LAMA3: variants seen among roughly 807,000 people sequenced by gnomAD.
LAMA3 encodes laminin subunit alpha 3, also known as laminin subunit alpha-3.
Under a neutral mutation model 402.0 loss-of-function variants are expected in LAMA3, and 281 were observed. The observed-to-expected ratio is 0.70, with a 90% CI of 0.63 to 0.77. The LOEUF (loss-of-function observed/expected upper bound fraction) is 0.77. Ranked by LOEUF, LAMA3 falls within the 30% of genes least tolerant of loss-of-function variation. The pLI, the probability that LAMA3 is intolerant of heterozygous loss-of-function variation, is 0.00. For missense variants in LAMA3, 3,840 were observed against 4,215.5 expected (o/e 0.91, Z 2.47); for synonymous variants, 1,431 against 1,558.4 (o/e 0.92, Z 1.93).
At chr18:23,856,946 A>G (rs2064094808) in intron 32 of LAMA3, among the ~76,000 whole-genome samples, 1 of 151,860 alleles carries the variant, frequency 6.6e-6, no homozygotes, top group Non-Finnish European at 1.5e-5. Flanking sequence ...GCTGGAATTC[A>G]CCCTCTGGGC....
intron 40 of LAMA3, 84 bp downstream of exon 40, chr18:23,882,129 G>T: frequency 1.2e-6 from 1 of 835,738 alleles, no homozygotes. Context: ...AGCAGGTGGG[G>T]AGAATGGGAA....
chr18:23,882,609 TAAAAA>T (rs10555585), intron 40 of LAMA3, among the ~76,000 whole-genome samples: 1 of 138,808 alleles, frequency 7.2e-6, no homozygotes. Flanking sequence ...GACTCCATCT[TAAAAA>T]AAAAAAAAAA....
chr18:23,901,051 C>T, intron 47 of LAMA3, 76 bp from the exon 48 acceptor site: 1 of 1,303,094 alleles, frequency 7.7e-7, no homozygotes, highest in South Asian at 1.2e-5. Context: ...AAACTCGATT[C>T]TCCCTTTGTA....
intron 35 of LAMA3, among the ~76,000 whole-genome samples, chr18:23,864,135 G>T (rs530955564): frequency 6.6e-6 from 1 of 151,694 alleles, no homozygotes; most frequent in South Asian, 2.1e-4. Flanking sequence ...AATAGTTGTG[G>T]ATTAAATAAA....
chr18:23,857,659 G>T (rs1286229303), intron 32 of LAMA3, among the ~76,000 whole-genome samples, 185 bp from the exon 33 acceptor site: 1 of 152,224 alleles, frequency 6.6e-6, no homozygotes, highest in African/African-American at 2.4e-5. Context: ...AATGGCCATT[G>T]GTCAATGACC....
chr18:23,906,160 A>G (rs2081242747), intron 52 of LAMA3, among the ~76,000 whole-genome samples: 1 of 152,232 alleles, frequency 6.6e-6, no homozygotes, highest in Non-Finnish European at 1.5e-5. Context: ...AAAATTAACT[A>G]GAGCCTTATA....
Position 23,895,499 on chromosome 18 carries a change from CTATG to C in LAMA3, c.5613+443_5613+446del, listed in dbSNP as rs563158852. On this transcript the variant is annotated intron_variant, in intron 44 of 74. Coordinates refer to ENST00000313654, the MANE Select transcript of LAMA3 (RefSeq NM_198129.4). ...TAGGTATGAGACTACAGTATTTGGG[CTATG>C]TGTTTCTTCTTGAGTGATACTTGGT... 8.5e-4 allele frequency among the ~76,000 whole-genome samples: 129 copies of C among 152,292 alleles called. 1 individual carries two copies. Among genetic ancestry groups the C allele is most frequent in the Admixed American group, 2.7e-3 (42 of 15,296 alleles).
chr18:23,926,803 T>G (rs1180727724), intron 62 of LAMA3, among the ~76,000 whole-genome samples: 1 of 152,220 alleles, frequency 6.6e-6, no homozygotes, highest in African/African-American at 2.4e-5. Context: ...CCTGGGGCCA[T>G]GTAGAAAGAG....
intron 23 of LAMA3, among the ~76,000 whole-genome samples, chr18:23,830,314 C>A (rs1216327158): frequency 1.3e-5 from 2 of 152,088 alleles, no homozygotes; most frequent in Non-Finnish European, 2.9e-5. Flanking sequence ...ATCCTCCTCT[C>A]TCTCCCTCAG....
chr18:23,883,503 C>A (rs2064970416), intron 40 of LAMA3, among the ~76,000 whole-genome samples: 1 of 152,196 alleles, frequency 6.6e-6, no homozygotes, highest in Non-Finnish European at 1.5e-5. Context: ...GTGTGGATCA[C>A]AAAGGCAGGC....
chr18:23,720,150 G>C (rs2061183975), intron 2 of LAMA3, among the ~76,000 whole-genome samples: 1 of 152,188 alleles, frequency 6.6e-6, no homozygotes, highest in Non-Finnish European at 1.5e-5. Context: ...GGGTATAGTA[G>C]TAATGGAAAC....
At chr18:23,847,865 T>C (rs1470360165) in intron 32 of LAMA3, among the ~76,000 whole-genome samples, 197 bp downstream of exon 32, 1 of 152,252 alleles carries the variant, frequency 6.6e-6, no homozygotes, top group Non-Finnish European at 1.5e-5. Flanking sequence ...GGGCAGAGCC[T>C]GTGTGGACAG....
intron 24 of LAMA3, 144 bp downstream of exon 24, chr18:23,834,132 C>T: frequency 3.4e-6 from 3 of 888,916 alleles, no homozygotes; most frequent in Non-Finnish European, 5.5e-6. Flanking sequence ...TTGTGTGGCC[C>T]AACGTCATCA....
At position 23,839,699 on chromosome 18, in the gene LAMA3, G is replaced by T; in HGVS notation, c.3192-86G>T. The T allele has an allele frequency of 7.0e-7, 1 of 1,438,254 alleles. No homozygotes were observed. Among genetic ancestry groups the T allele is most frequent in the South Asian group, 1.2e-5 (1 of 86,900 alleles). The allele number at this position is 1,438,254 out of a possible 1,614,324, so 89.1% of individuals were successfully genotyped here. The stretch of plus-strand genomic sequence containing the variant: ...CCTTTTGATGCCCATGCAGTCCTAT[G>T]CTCCAAGTCTGTCTCTTCACTGATG... On this transcript the variant is annotated intron_variant, in intron 26 of 74. Coordinates refer to ENST00000313654, the MANE Select transcript of LAMA3 (RefSeq NM_198129.4). The surrounding 1 kb of genome is among the most constrained non-coding windows in gnomAD (Gnocchi z 4.5).
At chr18:23,703,112 G>T (rs1013298028) in intron 1 of LAMA3, among the ~76,000 whole-genome samples, 1 of 152,180 alleles carries the variant, frequency 6.6e-6, no homozygotes, top group Non-Finnish European at 1.5e-5. Context: ...TGCCTCTGAG[G>T]TTCCCAGACT....
At chr18:23,928,833 A>T (rs1026517160) in intron 64 of LAMA3, 68 bp downstream of exon 64, 2 of 1,413,042 alleles carry the variant, frequency 1.4e-6, no homozygotes. Context: ...TAAAAACAAC[A>T]GAGAGATTTA....
At chr18:23,934,234 G>A (rs1464549140) in intron 67 of LAMA3, among the ~76,000 whole-genome samples, 2 of 152,138 alleles carry the variant, frequency 1.3e-5, no homozygotes, top group African/African-American at 4.8e-5. Flanking sequence ...TCCCCAGCAG[G>A]TCCTATGTTT....
chr18:23,737,989 G>A (rs1287418360), intron 2 of LAMA3, among the ~76,000 whole-genome samples: 1 of 152,190 alleles, frequency 6.6e-6, no homozygotes, highest in Non-Finnish European at 1.5e-5. Context: ...GAGCTGGGGT[G>A]GAAGTGCCGT....
chr18:23,940,314 C>T (rs1403463222), intron 68 of LAMA3, among the ~76,000 whole-genome samples: 1 of 152,156 alleles, frequency 6.6e-6, no homozygotes, highest in Non-Finnish European at 1.5e-5. Flanking sequence ...CTGCAGTGCC[C>T]CCAAGCAGAG....
Sources: allele counts gnomAD v4.1 joint callset (sites outside exome capture counted in the v4.1 genomes callset), GRCh38; gene constraint gnomAD v4.1.1; non-coding constraint Gnocchi (gnomAD v3.1); transcripts MANE v1.5; gene names NCBI Gene and HGNC (gene_info 2026-07-23, HGNC 2026-07-21).